Variants in PTAFR observed in about 807,000 individuals in gnomAD.
PTAFR encodes the protein platelet activating factor receptor.
Under a neutral mutation model 14.7 loss-of-function variants are expected in PTAFR, and 8 were observed. The ratio of observed to expected loss-of-function variants is 0.54; its 90% CI spans 0.32 to 0.98. The LOEUF (loss-of-function observed/expected upper bound fraction) is 0.98, where lower values mean the gene tolerates loss of function less well. Ranked by LOEUF, PTAFR falls within the 50% of genes least tolerant of loss-of-function variation. The pLI is 0.04. For synonymous variants in PTAFR, 156 were observed against 176.5 expected, an observed-to-expected ratio of 0.88 and a Z score of 0.92; for missense variants, 337 against 451.2, an observed-to-expected ratio of 0.75 and a Z score of 2.29.
At chr1:28,178,422 G>A (rs111518225), upstream of PTAFR, among the ~76,000 whole-genome samples, 210 of 151,716 alleles carry the variant, frequency 1.4e-3, 1 homozygote, top group African/African-American at 4.8e-3. Context: ...TGCCACGCCC[G>A]GCTAATTTTT....
chr1:28,153,964 G>GGATC (rs1291665539), intron 1 of PTAFR, among the ~76,000 whole-genome samples: 2 of 151,868 alleles, frequency 1.3e-5, no homozygotes, highest in African/African-American at 4.8e-5. Flanking sequence ...TGAAGTGGGA[G>GGATC]GATCGCTGGA....
At position 28,150,409 on chromosome 1, in the gene PTAFR, A is replaced by C; in HGVS notation, c.613T>G (p.Cys205Gly). ...FFLVFLIILF[C>G]NLVIIRTLLM... Reference sequence around the variant, plus strand: ...AAGGTACGGATGATGACCAGGTTGCAGAAGAGGATGATGAGGAAGACCAGG... The same window carrying C: ...AAGGTACGGATGATGACCAGGTTGCCGAAGAGGATGATGAGGAAGACCAGG... Residue 205 changes from cysteine (C) to glycine (G), a missense_variant, in exon 2 of 2, where the codon TGC becomes GGC. Physicochemically the swap from Cys to Gly is radical, Grantham distance 159. Coordinates refer to ENST00000373857, the MANE Select transcript of PTAFR (RefSeq NM_000952.5). This position sits in a 1 kb window ranked among gnomAD's most constrained non-coding sequence, Gnocchi z 6.3. 1 of 1,613,940 alleles carries C rather than the reference A, an allele frequency of 6.2e-7. No individual in the cohort carries two copies. The highest frequency in any genetic ancestry group is 2.2e-5 in the East Asian group (1 of 44,894).
intron 1 of PTAFR, among the ~76,000 whole-genome samples, chr1:28,169,034 C>T (rs928647669): frequency 2.0e-5 from 3 of 152,094 alleles, no homozygotes; most frequent in African/African-American, 7.2e-5. Context: ...AGAAAACATT[C>T]TAGAGATCTA....
At chr1:28,171,388 G>C (rs1435924922) in intron 1 of PTAFR, among the ~76,000 whole-genome samples, 2 of 151,662 alleles carry the variant, frequency 1.3e-5, no homozygotes, top group African/African-American at 4.8e-5. Flanking sequence ...CCTCTACAGT[G>C]CTAGGCATAT....
chr1:28,147,653 G>A lies in PTAFR; in HGVS notation c.*2340C>T, dbSNP rs1163928400. ...TTCAGGTAAGGGACCTGCAAAGCCT[G>A]AACAGCCTCCCTAAATCTAGATGCC... is the stretch of plus-strand genomic sequence containing the variant. On this transcript the variant is annotated 3_prime_UTR_variant, in exon 2 of 2. Transcript: ENST00000373857. 2 of 152,094 alleles carry A rather than the reference G, an allele frequency of 1.3e-5. No homozygotes were observed. The highest frequency in any genetic ancestry group is 2.9e-5 in the Non-Finnish European group (2 of 68,050). The allele number at this position is 152,094 out of a possible 1,614,324, so 9.4% of individuals were successfully genotyped here.
At chr1:28,151,569 G>C (rs927630659) in intron 1 of PTAFR, among the ~76,000 whole-genome samples, 1 of 152,036 alleles carries the variant, frequency 6.6e-6, no homozygotes, top group Non-Finnish European at 1.5e-5. Flanking sequence ...CTTAGAAAAG[G>C]GCTCCGGGTT....
At chr1:28,166,058 A>G (rs1163877176) in intron 1 of PTAFR, among the ~76,000 whole-genome samples, 2 of 152,252 alleles carry the variant, frequency 1.3e-5, no homozygotes, top group Non-Finnish European at 2.9e-5. Context: ...ATTTCAAAAC[A>G]TATTACAAAG....
upstream of PTAFR, among the ~76,000 whole-genome samples, chr1:28,180,839 T>C (rs1344923620): frequency 6.9e-6 from 1 of 144,416 alleles, no homozygotes; most frequent in African/African-American, 2.6e-5. Context: ...AGAGAGAAAG[T>C]AAAGAAAAAG....
chr1:28,153,369 A>C (rs1646218885), intron 1 of PTAFR, among the ~76,000 whole-genome samples: 1 of 152,158 alleles, frequency 6.6e-6, no homozygotes, highest in Admixed American at 6.6e-5. Context: ...TCAGGGAAGC[A>C]GCAGGCAGGG....
At chr1:28,154,726 C>A (rs1646242508) in intron 1 of PTAFR, among the ~76,000 whole-genome samples, 1 of 146,898 alleles carries the variant, frequency 6.8e-6, no homozygotes, top group Non-Finnish European at 1.5e-5. Flanking sequence ...ACAGGAGAAT[C>A]GCTTGAACTT....
At chr1:28,165,930 C>T (rs1646380779) in intron 1 of PTAFR, among the ~76,000 whole-genome samples, 1 of 152,082 alleles carries the variant, frequency 6.6e-6, no homozygotes, top group Admixed American at 6.6e-5. Context: ...TACCAAAATC[C>T]CAGTGTAATT....
At chr1:28,180,528 G>A (rs1293005892), upstream of PTAFR, among the ~76,000 whole-genome samples, 1 of 152,146 alleles carries the variant, frequency 6.6e-6, no homozygotes, top group African/African-American at 2.4e-5. Flanking sequence ...AGAAACAAAG[G>A]AACCATTAAT....
Position 28,150,790 on chromosome 1 carries a change from G to C in PTAFR, c.232C>G (p.Gln78Glu), listed in dbSNP as rs750893256. 6 of 1,614,062 alleles carry C rather than the reference G, an allele frequency of 3.7e-6. No individual in the cohort carries two copies. The Admixed American group carries it at 1.0e-4, about 27-fold the overall frequency. The part of the protein sequence containing the change: ...ITLPLWIVYY[Q>E]NQGNWILPKF... ...GGGAGTATCCAGTTGCCCTGGTTTT[G>C]GTAGTAGACAATCCAAAGTGGCAGG... The change falls in exon 2 of 2, where the codon CAA becomes GAA. Residue 78 changes from glutamine (Q) to glutamate (E), a missense_variant. Physicochemically the swap from Gln to Glu is conservative, Grantham distance 29. Coordinates refer to ENST00000373857, the MANE Select transcript of PTAFR (RefSeq NM_000952.5). This position sits in a 1 kb window ranked among gnomAD's most constrained non-coding sequence, Gnocchi z 6.3.
At chr1:28,151,353 T>G (rs1007489170) in intron 1 of PTAFR, among the ~76,000 whole-genome samples, 1 of 152,018 alleles carries the variant, frequency 6.6e-6, no homozygotes, top group Non-Finnish European at 1.5e-5. Context: ...CTAGTTTGTA[T>G]TTTTAGTGGA....
chr1:28,170,006 A>C (rs1646434745), intron 1 of PTAFR, among the ~76,000 whole-genome samples: 1 of 151,940 alleles, frequency 6.6e-6, no homozygotes, highest in Non-Finnish European at 1.5e-5. Context: ...TCTCAAAAAA[A>C]AAAAAAAAAG....
In PTAFR at chr1:28,151,197, C is replaced by A. The variant is rs78472560; in HGVS notation, c.-38-138G>T. ...TCATGTTGAATCTTTTTTTTTTTTT[C>A]AGATGGAGTTTCACTCTTGCTGCCC... On this transcript the variant is annotated intron_variant, in intron 1 of 1. Coordinates refer to ENST00000373857, the MANE Select transcript of PTAFR (RefSeq NM_000952.5). 139 of 560,470 alleles carry A rather than the reference C, an allele frequency of 2.5e-4. No individual in the cohort carries two copies. In the East Asian group the frequency reaches 3.1e-3, roughly 13 times the overall value. 34.7% of individuals were successfully genotyped at this position (560,470 alleles called of 1,614,324 possible). A position where few individuals can be genotyped will look rare whatever the true frequency, so the allele number is the denominator to read the frequency against.
chr1:28,171,820 C>G (rs1646457491), intron 1 of PTAFR, among the ~76,000 whole-genome samples: 1 of 152,040 alleles, frequency 6.6e-6, no homozygotes, highest in Non-Finnish European at 1.5e-5. Context: ...CTCAGTTGGC[C>G]TAGGAAACCC....
At chr1:28,157,111 C>A (rs756980044) in intron 1 of PTAFR, among the ~76,000 whole-genome samples, 8 of 152,162 alleles carry the variant, frequency 5.3e-5, no homozygotes, top group Non-Finnish European at 1.2e-4. Context: ...AGACACTAAA[C>A]CTCAGCAATC....
At chr1:28,166,247 A>C (rs953089019) in intron 1 of PTAFR, among the ~76,000 whole-genome samples, 1 of 152,230 alleles carries the variant, frequency 6.6e-6, no homozygotes, top group African/African-American at 2.4e-5. Flanking sequence ...GGAAAGATGG[A>C]TATCCACATG....
Sources: allele counts gnomAD v4.1 joint callset (sites outside exome capture counted in the v4.1 genomes callset), GRCh38; gene constraint gnomAD v4.1.1; non-coding constraint Gnocchi (gnomAD v3.1); transcripts MANE v1.5; gene names NCBI Gene and HGNC (gene_info 2026-07-23, HGNC 2026-07-21).